Variants in MMS22L observed in about 807,000 individuals in gnomAD.
MMS22L encodes protein MMS22-like.
A neutral mutation model predicts 159.1 loss-of-function variants in MMS22L; 74 were observed. The ratio of observed to expected loss-of-function variants is 0.47; its 90% CI spans 0.39 to 0.56. MMS22L has a LOEUF of 0.56. Among genes scored for constraint, MMS22L ranks in the 20% least tolerant of loss-of-function variants. The pLI is 0.00. For missense variants in MMS22L, 1,351 were observed against 1,422.1 expected, an observed-to-expected ratio of 0.95 and a Z score of 0.80; for synonymous variants, 517 against 506.9, an observed-to-expected ratio of 1.02 and a Z score of -0.27.
At chr6:97,214,685 GT>G (rs11398586) in intron 14 of MMS22L, among the ~76,000 whole-genome samples, 9,863 of 133,774 alleles carry the variant, frequency 0.074, 478 homozygotes, top group African/African-American at 0.17. Flanking sequence ...TATTTTTTTT[GT>G]TTTTTTTTTT....
At chr6:97,228,842 T>A in intron 14 of MMS22L, 52 bp downstream of exon 14, 2 of 1,479,020 alleles carry the variant, frequency 1.4e-6, no homozygotes, top group Non-Finnish European at 1.8e-6. Context: ...AAAATCCACA[T>A]AAGTAATTAT....
At chr6:97,225,703 G>A (rs951908208) in intron 14 of MMS22L, among the ~76,000 whole-genome samples, 2 of 152,020 alleles carry the variant, frequency 1.3e-5, no homozygotes, top group Middle Eastern at 6.8e-3. Context: ...CTCTCGAGTA[G>A]CTGGGACTAC....
chr6:97,229,249 A>T lies in MMS22L; in HGVS notation c.1684T>A (p.Phe562Ile), dbSNP rs1216283713. Residue 562 changes from phenylalanine to isoleucine, a missense_variant, in exon 14 of 25, where the codon TTT becomes ATT. Physicochemically the swap from Phe to Ile is conservative, Grantham distance 21 (BLOSUM62 0). Coordinates refer to ENST00000683635, the MANE Select transcript of MMS22L (RefSeq NM_001350599.2). ...ATGAGGGCTCTCTGAGACGTTACAA[A>T]AGCAGGCTTGAGGAAATTCAGGAGG... Reference protein sequence around the residue: ...LDLLNFLKPAFVTSQRALIWK... With the variant: ...LDLLNFLKPAIVTSQRALIWK... 17 of 1,614,032 alleles carry T rather than the reference A, an allele frequency of 1.1e-5. No individual in the cohort carries two copies. Among genetic ancestry groups the T allele is most frequent in the Non-Finnish European group, 1.4e-5 (17 of 1,180,022 alleles).
chr6:97,225,601 C>A (rs1465608092), intron 14 of MMS22L, among the ~76,000 whole-genome samples: 4 of 148,950 alleles, frequency 2.7e-5, no homozygotes, highest in Admixed American at 2.6e-4. Flanking sequence ...GAGACCCAGT[C>A]TCGCTCTGTC....
chr6:97,271,261 C>T (rs1015354376), intron 6 of MMS22L: 1 of 152,068 alleles, frequency 6.6e-6, no homozygotes, highest in Non-Finnish European at 1.5e-5. Context: ...AGTTCCCCTG[C>T]TTTAAAAATT....
rs1803697649 is a variant in MMS22L at position 97,172,925 on chromosome 6, A to G, written c.2839+138T>C. 6 of 739,210 alleles carry G rather than the reference A, an allele frequency of 8.1e-6. No individual in the cohort carries two copies. In the South Asian group the frequency reaches 1.6e-4, roughly 20 times the overall value. 45.8% of individuals were successfully genotyped at this position (739,210 alleles called of 1,614,324 possible). A position where few individuals can be genotyped will look rare whatever the true frequency, so the allele number is the denominator to read the frequency against. On this transcript the variant is annotated intron_variant, in intron 19 of 24. Transcript: ENST00000683635. ...TTGAAGGCCAACATGAATTATTTTA[A>G]GCTAAATCACTGTATTTCAGATTAC...
chr6:97,267,691 C>A, intron 8 of MMS22L, 181 bp downstream of exon 8: 1 of 417,514 alleles, frequency 2.4e-6, no homozygotes, highest in Non-Finnish European at 3.9e-6. Flanking sequence ...ATACCAATTC[C>A]AGCCTCTTTT....
chr6:97,193,654 A>G (rs1362511974), intron 14 of MMS22L, among the ~76,000 whole-genome samples: 2 of 152,314 alleles, frequency 1.3e-5, no homozygotes, highest in South Asian at 2.1e-4. Flanking sequence ...GGCCTCACTA[A>G]AGATCTTTCT....
chr6:97,211,614 A>G (rs1444503179), intron 14 of MMS22L, among the ~76,000 whole-genome samples: 1 of 152,170 alleles, frequency 6.6e-6, no homozygotes, highest in East Asian at 1.9e-4. Context: ...ACAAAGCAAT[A>G]CTACATTGGT....
At chr6:97,213,942 C>G (rs1808674970) in intron 14 of MMS22L, among the ~76,000 whole-genome samples, 1 of 152,008 alleles carries the variant, frequency 6.6e-6, no homozygotes, top group Non-Finnish European at 1.5e-5. Context: ...TTTTAAAAAT[C>G]TGGAAAAAGT....
At chr6:97,205,337 C>T (rs995257717) in intron 14 of MMS22L, among the ~76,000 whole-genome samples, 3 of 151,974 alleles carry the variant, frequency 2.0e-5, no homozygotes, top group Non-Finnish European at 2.9e-5. Context: ...ATGTCTAGCT[C>T]ACATATTCTT....
At position 97,188,267 on chromosome 6, in the gene MMS22L, T is replaced by C. The variant is rs1007139998; in HGVS notation, c.2040-1577A>G. Among the ~76,000 whole-genome samples, 5 of 152,342 alleles carry C rather than the reference T, an allele frequency of 3.3e-5. 1 individual carries two copies. Among genetic ancestry groups the C allele is most frequent in the Middle Eastern group, 6.8e-3 (2 of 294 alleles). On this transcript the variant is annotated intron_variant, in intron 14 of 24. Coordinates refer to ENST00000683635, the MANE Select transcript of MMS22L (RefSeq NM_001350599.2). ...CCCTTTATAGCTTTTTCAAAGTATA[T>C]TGGTTTCAAAAGACAATAAATAACT...
intron 10 of MMS22L, among the ~76,000 whole-genome samples, chr6:97,251,383 C>T (rs1813218379): frequency 6.6e-6 from 1 of 152,188 alleles, no homozygotes; most frequent in Non-Finnish European, 1.5e-5. Flanking sequence ...TACACAGTCA[C>T]TGTGAAATAC....
At position 97,162,116 on chromosome 6, in the gene MMS22L, A is replaced by G. The variant is rs1802503160; in HGVS notation, c.3271T>C (p.Ser1091Pro). 6.2e-7 allele frequency: 1 copy of G among 1,611,282 alleles called. No individual in the cohort carries two copies. The highest frequency in any genetic ancestry group is 8.5e-7 in the Non-Finnish European group (1 of 1,178,804). The stretch of plus-strand genomic sequence containing the variant: ...AGTTGGAGGATGAAGGCCAGAATGG[A>G]TGCTAAGCGAGGAGGAGGTGAGGAC... The part of the protein sequence containing the change: ...KGSSPPPRLA[S>P]ILAFILQLFK... Residue 1091 changes from serine to proline, a missense_variant, in exon 22 of 25, where the codon TCC (serine) becomes CCC (proline). By Grantham distance (74) the Ser-to-Pro change is moderately conservative. Coordinates refer to ENST00000683635, the MANE Select transcript of MMS22L (RefSeq NM_001350599.2).
At chr6:97,147,718 G>C (rs1359914281) in intron 24 of MMS22L, among the ~76,000 whole-genome samples, 1 of 152,070 alleles carries the variant, frequency 6.6e-6, no homozygotes, top group Non-Finnish European at 1.5e-5. Context: ...TCTCTCCTTA[G>C]AAAACCACAG....
At chr6:97,215,136 C>G (rs1808870005) in intron 14 of MMS22L, among the ~76,000 whole-genome samples, 1 of 143,838 alleles carries the variant, frequency 7.0e-6, no homozygotes. Context: ...CATTGTTTCA[C>G]TAGCGGCTGT....
intron 14 of MMS22L, among the ~76,000 whole-genome samples, chr6:97,191,819 A>G (rs1805894365): frequency 6.6e-6 from 1 of 152,220 alleles, no homozygotes; most frequent in Non-Finnish European, 1.5e-5. Flanking sequence ...CTTATTATCC[A>G]GGAAGAATAT....
At chr6:97,225,859 C>T (rs1043878998) in intron 14 of MMS22L, among the ~76,000 whole-genome samples, 1 of 152,194 alleles carries the variant, frequency 6.6e-6, no homozygotes, top group African/African-American at 2.4e-5. Context: ...GCATAAGCCA[C>T]CACGCCCAGC....
intron 8 of MMS22L, 62 bp downstream of exon 8, chr6:97,267,810 A>G: frequency 7.4e-7 from 1 of 1,359,562 alleles, no homozygotes; most frequent in Non-Finnish European, 9.7e-7. Context: ...AGATTAAACG[A>G]CATGCATTAA....
Sources: allele counts gnomAD v4.1 joint callset (sites outside exome capture counted in the v4.1 genomes callset), GRCh38; gene constraint gnomAD v4.1.1; transcripts MANE v1.5; gene names NCBI Gene and HGNC (gene_info 2026-07-23, HGNC 2026-07-21).